The following WDR49 variants were observed in gnomAD, a reference collection of about 807,000 sequenced individuals.
WDR49 encodes the protein WD repeat domain 49, also known as cilia- and flagella-associated protein 337.
Under a neutral mutation model 119.5 loss-of-function variants are expected in WDR49, and 107 were observed. That is an observed-to-expected ratio of 0.90 (90% CI 0.77 to 1.05). The LOEUF is 1.05. Among genes scored for constraint, WDR49 ranks in the 50% least tolerant of loss-of-function variants. The pLI is 0.00. For synonymous variants in WDR49, 425 were observed against 418.8 expected (o/e 1.01, Z -0.18); for missense variants, 1,240 against 1,220.5 (o/e 1.02, Z -0.24).
intron 2 of WDR49, among the ~76,000 whole-genome samples, chr3:167,640,989 G>A: frequency 6.6e-6 from 1 of 151,836 alleles, no homozygotes; most frequent in East Asian, 1.9e-4. Context: ...GCATCTACTC[G>A]ACTTGTAAAT....
chr3:167,642,462 G>T (rs965076714), intron 2 of WDR49, among the ~76,000 whole-genome samples: 1 of 152,056 alleles, frequency 6.6e-6, no homozygotes, highest in East Asian at 1.9e-4. Flanking sequence ...AAATACAAAT[G>T]ATACAAATAT....
At chr3:167,601,695 C>G (rs1422668168) in intron 7 of WDR49, among the ~76,000 whole-genome samples, 1 of 152,086 alleles carries the variant, frequency 6.6e-6, no homozygotes, top group African/African-American at 2.4e-5. Context: ...TCTTAATGTG[C>G]TTGATGTTCT....
At chr3:167,647,533 A>G (rs1007899614) in intron 2 of WDR49, among the ~76,000 whole-genome samples, 2 of 152,176 alleles carry the variant, frequency 1.3e-5, no homozygotes, top group Non-Finnish European at 2.9e-5. Flanking sequence ...AAATCAGATA[A>G]AACCACCACA....
chr3:167,509,855 A>G (rs1751899790), intron 16 of WDR49, among the ~76,000 whole-genome samples: 1 of 152,228 alleles, frequency 6.6e-6, no homozygotes, highest in Non-Finnish European at 1.5e-5. Context: ...TTGTCCATGG[A>G]TACTCATATT....
rs776546132 is a variant in WDR49 at position 167,575,921 on chromosome 3, C to T, written c.1506G>A (p.Lys502=). The change falls in exon 8 of 19, where the codon AAG becomes AAA. Residue 502 remains lysine, a synonymous_variant. Coordinates refer to ENST00000682715, the MANE Select transcript of WDR49 (RefSeq NM_001366157.1). ...AAAGAAAAGAAAGCATCATTACCTG[C>T]TTCAAGATAGAATTGTAAAGAACAC... ...VTCVLYNSIL[K]QVISSDTGST... The T allele has an allele frequency of 3.7e-6, 6 of 1,613,860 alleles. No homozygotes were observed. The Admixed American group carries it at 6.7e-5, about 18-fold the overall frequency.
chr3:167,630,358 G>C (rs1400675374), intron 2 of WDR49, among the ~76,000 whole-genome samples: 1 of 152,052 alleles, frequency 6.6e-6, no homozygotes, highest in Non-Finnish European at 1.5e-5. Context: ...TTTTAGATAT[G>C]TGCTATTGGA....
chr3:167,652,941 C>T (rs938312125), intron 2 of WDR49, among the ~76,000 whole-genome samples: 1 of 152,162 alleles, frequency 6.6e-6, no homozygotes, highest in Non-Finnish European at 1.5e-5. Context: ...TTTCTTCACT[C>T]ACAGCCATAA....
At chr3:167,479,022 A>G (rs1750591284) in intron 18 of WDR49, 26 bp from the exon 19 acceptor site, 2 of 1,505,764 alleles carry the variant, frequency 1.3e-6, no homozygotes, top group Non-Finnish European at 1.8e-6. Context: ...GAAAATCACA[A>G]GTGAATTATA....
Position 167,529,137 on chromosome 3 carries a change from C to T in WDR49, c.2321G>A (p.Gly774Glu). The change falls in exon 14 of 19, where the codon GGA becomes GAA. Residue 774 changes from glycine (G) to glutamate (E), a missense_variant. Transcript: ENST00000682715. ...LAEFLAHSGV[G>E]SIIMSTDKMN... ...CTTATCAGTAGACATAATAATCGAT[C>T]CAACTCCACTATGAGCCAAAAATTC... 1 of 1,612,186 alleles carries T rather than the reference C, an allele frequency of 6.2e-7. No homozygotes were observed. Among genetic ancestry groups the T allele is most frequent in the East Asian group, 2.2e-5 (1 of 44,782 alleles).
Position 167,626,907 on chromosome 3 carries a change from G to A in WDR49, c.551C>T (p.Thr184Ile). 1 of 1,267,956 alleles carries A rather than the reference G, an allele frequency of 7.9e-7. No homozygotes were observed. Among genetic ancestry groups the A allele is most frequent in the Non-Finnish European group, 9.9e-7 (1 of 1,007,126 alleles). The allele number at this position is 1,267,956 out of a possible 1,614,324, so 78.5% of individuals were successfully genotyped here. Residue 184 changes from threonine to isoleucine, a missense_variant, in exon 3 of 19, where the codon ACC becomes ATC. Coordinates refer to ENST00000682715, the MANE Select transcript of WDR49 (RefSeq NM_001366157.1). ...QETFPITSDA[T>I]KLKHLWVTSL... ...TGTCACCCACAGGTGTTTGAGCTTGGTGGCATCTGAAGTGATGGGGAATGT... is the reference window on the plus strand; with the variant it reads ...TGTCACCCACAGGTGTTTGAGCTTGATGGCATCTGAAGTGATGGGGAATGT...
chr3:167,593,596 G>C (rs546673021), intron 7 of WDR49, among the ~76,000 whole-genome samples: 2 of 152,074 alleles, frequency 1.3e-5, no homozygotes, highest in South Asian at 4.2e-4. Context: ...GTTTCTCCAG[G>C]ATGTGTTATT....
chr3:167,502,604 C>A (rs1751616022), intron 17 of WDR49, among the ~76,000 whole-genome samples: 1 of 152,286 alleles, frequency 6.6e-6, no homozygotes, highest in Non-Finnish European at 1.5e-5. Flanking sequence ...TTACTGGGAA[C>A]TGGAGCAAAG....
chr3:167,642,134 CAAGATAAAATCAAAACA>C (rs1717910424), intron 2 of WDR49, among the ~76,000 whole-genome samples: 1 of 151,682 alleles, frequency 6.6e-6, no homozygotes, highest in Non-Finnish European at 1.5e-5. Flanking sequence ...ATATAGTCAA[CAAGATAAAATCAAAACA>C]AAGATTTTTT....
intron 3 of WDR49, among the ~76,000 whole-genome samples, chr3:167,622,635 CTCTACTT>C (rs1716926530): frequency 6.6e-6 from 1 of 151,986 alleles, no homozygotes; most frequent in Non-Finnish European, 1.5e-5. Flanking sequence ...TATTTCAATA[CTCTACTT>C]TCAATGATGG....
At chr3:167,563,536 A>G (rs1713406178) in intron 8 of WDR49, among the ~76,000 whole-genome samples, 1 of 152,174 alleles carries the variant, frequency 6.6e-6, no homozygotes, top group Non-Finnish European at 1.5e-5. Context: ...GTCTTTTAAG[A>G]AAAGGTTAAA....
chr3:167,568,756 T>C (rs1713756828), intron 8 of WDR49, among the ~76,000 whole-genome samples: 1 of 152,106 alleles, frequency 6.6e-6, no homozygotes, highest in Non-Finnish European at 1.5e-5. Context: ...ATAAACAAGA[T>C]AAGAAATATG....
At chr3:167,532,210 G>A (rs1024335884) in intron 12 of WDR49, among the ~76,000 whole-genome samples, 1 of 152,092 alleles carries the variant, frequency 6.6e-6, no homozygotes, top group African/African-American at 2.4e-5. Flanking sequence ...CAGCCTCTAT[G>A]AGTTTATTCA....
chr3:167,498,844 G>C (rs924047551), intron 18 of WDR49, among the ~76,000 whole-genome samples: 6 of 152,120 alleles, frequency 3.9e-5, no homozygotes, highest in Non-Finnish European at 8.8e-5. Flanking sequence ...ATTTCAGAGA[G>C]AGCCCTCCCT....
At position 167,621,600 on chromosome 3, in the gene WDR49, A is replaced by G; in HGVS notation, c.650T>C (p.Leu217Pro). The change falls in exon 4 of 19, where the codon CTG becomes CCG. Residue 217 changes from leucine (L) to proline (P), a missense_variant. Physicochemically the swap from Leu to Pro is moderately conservative, Grantham distance 98. Transcript: ENST00000682715. Reference protein sequence around the residue: ...FTSKEVCFYDLLSKEEFACQY... With the variant: ...FTSKEVCFYDPLSKEEFACQY... ...GCAAGCAAATTCTTCTTTGGACAGC[A>G]GATCATAGAAACAAACCTCTTTACT... The G allele has an allele frequency of 1.3e-6, 2 of 1,534,914 alleles. No individual in the cohort carries two copies. Among genetic ancestry groups the G allele is most frequent in the Non-Finnish European group, 1.7e-6 (2 of 1,146,194 alleles).
Sources: gnomAD v4.1 joint callset for allele counts (sites outside exome capture counted in the v4.1 genomes callset) on GRCh38, gnomAD v4.1.1 for gene constraint, MANE v1.5 for transcripts, NCBI Gene and HGNC (gene_info 2026-07-23, HGNC 2026-07-21) for gene names.